The following FGG variants were observed in gnomAD, a reference collection of about 807,000 sequenced individuals.
FGG encodes the protein fibrinogen, gamma polypeptide.
A neutral mutation model predicts 51.7 loss-of-function variants in FGG; 20 were observed. The observed-to-expected ratio is 0.39, with a 90% confidence interval of 0.27 to 0.56. The LOEUF (loss-of-function observed/expected upper bound fraction) is 0.56. Among genes scored for constraint, FGG ranks in the 20% least tolerant of loss-of-function variants. The pLI, the probability that FGG is intolerant of heterozygous loss-of-function variation, is 0.64. For synonymous variants in FGG, 184 were observed against 184.7 expected (o/e 1.00, Z 0.03); for missense variants, 460 against 534.2 (o/e 0.86, Z 1.37).
chr4:154,611,674 A>G (rs1426800835), intron 4 of FGG, 131 bp downstream of exon 4: 1 of 649,864 alleles, frequency 1.5e-6, no homozygotes, highest in Admixed American at 2.8e-5. Context: ...TATGCTCAAC[A>G]TAATCAGGCA....
At chr4:154,605,323 A>G (rs889153587) in intron 8 of FGG, among the ~76,000 whole-genome samples, 1 of 152,108 alleles carries the variant, frequency 6.6e-6, no homozygotes, top group Non-Finnish European at 1.5e-5. Context: ...TAGAAACCCA[A>G]AGTTCCCTAA....
At position 154,610,078 on chromosome 4, in the gene FGG, A is replaced by T; in HGVS notation, c.521T>A (p.Ile174Asn). ...CCTTCATCAGTTACCTTTCCCAGTG[A>T]TATCATGGATTTGCACCGTGTCTTT... The part of the protein sequence containing the change: ...PCKDTVQIHD[I>N]TGKDCQDIAN... The change falls in exon 5 of 9, where the codon ATC becomes AAC. Residue 174 changes from isoleucine to asparagine, a missense_variant. This residue lies in a region of FGG where 353 missense variants were observed against 391.7 expected (regional missense o/e 0.90). Coordinates refer to ENST00000336098, the MANE Select transcript of FGG (RefSeq NM_021870.3). The T allele has an allele frequency of 6.2e-7, 1 of 1,613,726 alleles. No individual in the cohort carries two copies. Among genetic ancestry groups the T allele is most frequent in the East Asian group, 2.2e-5 (1 of 44,852 alleles).
At chr4:154,609,795 T>C (rs1731168171) in intron 5 of FGG, 32 bp from the exon 6 acceptor site, 10 of 1,613,860 alleles carry the variant, frequency 6.2e-6, no homozygotes, top group Non-Finnish European at 8.5e-6. Flanking sequence ...TTACTGTGGT[T>C]TGAAATGCAG....
rs573698741 is a variant in FGG at position 154,606,455 on chromosome 4, G to T, written c.1129+250C>A. Among the ~76,000 whole-genome samples, 6 of 152,278 alleles carry T rather than the reference G, an allele frequency of 3.9e-5. No individual in the cohort carries two copies. In the South Asian group the frequency reaches 1.2e-3, roughly 32 times the overall value. ...AACCCACAGTGCCAGCTATGATGGT[G>T]ATAGTTTCACATATAATGCCAAACT... On this transcript the variant is annotated intron_variant, in intron 8 of 8. Transcript: ENST00000336098.
At position 154,611,564 on chromosome 4, in the gene FGG, A is replaced by T. The variant is rs554680712; in HGVS notation, c.401+241T>A. The stretch of plus-strand genomic sequence containing the variant: ...AATTTTTGATAAATATGGTCAAACT[A>T]GCATTTGAAGACATCTAGAACATCT... On this transcript the variant is annotated intron_variant, in intron 4 of 8. Transcript: ENST00000336098. The T allele has an allele frequency of 4.1e-4, 135 of 325,972 alleles. 1 individual carries two copies. The South Asian group carries it at 0.013, about 31-fold the overall frequency. The allele number at this position is 325,972 out of a possible 1,614,324, so 20.2% of individuals were successfully genotyped here. A position where few individuals can be genotyped will look rare whatever the true frequency, so the allele number is the denominator to read the frequency against.
At chr4:154,609,527 G>T in intron 6 of FGG, 103 bp downstream of exon 6, 1 of 1,387,050 alleles carries the variant, frequency 7.2e-7, no homozygotes, top group Non-Finnish European at 1.0e-6. Flanking sequence ...GCTATTGCAA[G>T]GATTAAATGA....
intron 4 of FGG, 107 bp downstream of exon 4, chr4:154,611,698 A>C: frequency 1.3e-6 from 1 of 744,404 alleles, no homozygotes; most frequent in Non-Finnish European, 2.2e-6. Context: ...TGTCACTGGG[A>C]TATTATAAAT....
Position 154,606,908 on chromosome 4 carries a change from C to G in FGG, c.926G>C (p.Gly309Ala). ...KYRLTYAYFA[G>A]GDAGDAFDGF... ...ATCAAAGGCATCTCCAGCATCCCCA[C>G]CAGCGAAGTAGGCATATGTTAGGCG... The change falls in exon 8 of 9, where the codon GGT (glycine) becomes GCT (alanine). Residue 309 changes from glycine (G) to alanine (A), a missense_variant. Gly to Ala is a moderately conservative substitution (Grantham distance 60). Around this residue, in one of 3 missense-constraint regions of FGG, gnomAD observed 353 missense variants for 391.7 expected, o/e 0.90. Transcript: ENST00000336098. The G allele has an allele frequency of 6.2e-7, 1 of 1,613,848 alleles. No individual in the cohort carries two copies. Among genetic ancestry groups the G allele is most frequent in the Non-Finnish European group, 8.5e-7 (1 of 1,179,828 alleles).
At position 154,611,642 on chromosome 4, in the gene FGG, C is replaced by T. The variant is rs79304772; in HGVS notation, c.401+163G>A. On this transcript the variant is annotated intron_variant, in intron 4 of 8. Transcript: ENST00000336098. The stretch of plus-strand genomic sequence containing the variant: ...TTATAACCCAGTATAATTTATATTG[C>T]ACTAAAAACTTCTATCTCTACTATG... 7.6e-3 allele frequency: 4,342 copies of T among 574,422 alleles called. 174 individuals carry two copies. The East Asian group carries it at 0.085, about 11-fold the overall frequency. 35.6% of individuals were successfully genotyped at this position (574,422 alleles called of 1,614,324 possible).
At chr4:154,611,994 G>A (rs1731223429) in intron 3 of FGG, 24 bp downstream of exon 3, 1 of 1,609,252 alleles carries the variant, frequency 6.2e-7, no homozygotes, top group African/African-American at 1.3e-5. Flanking sequence ...ATTATTTTTT[G>A]GTCAGTAGTC....
rs754001105 is a variant in FGG, at chr4:154,611,806, G to C, written c.400C>G (p.Arg134Gly). 1.2e-6 allele frequency: 2 copies of C among 1,601,610 alleles called. No individual in the cohort carries two copies. The highest frequency in any genetic ancestry group is 1.7e-6 in the Non-Finnish European group (2 of 1,171,254). ...ASILTHDSSI[R>G]YLQEIYNSNN... ...GCAAATTAAAACAAAAATCCTTACC[G>C]AATACTTGAGTCATGTGTTAAAATC... The change falls in exon 4 of 9, where the codon CGA becomes GGA. Residue 134 changes from arginine (R) to glycine (G), a missense_variant and splice_region_variant. Arg to Gly is a moderately radical substitution (Grantham distance 125, BLOSUM62 -2). This residue lies in a region of FGG where 353 missense variants were observed against 391.7 expected (regional missense o/e 0.90). Coordinates refer to ENST00000336098, the MANE Select transcript of FGG (RefSeq NM_021870.3).
chr4:154,611,789 A>G lies in FGG; in HGVS notation c.401+16T>C, dbSNP rs776159865. The G allele has an allele frequency of 6.4e-7, 1 of 1,569,710 alleles. No individual in the cohort carries two copies. Among genetic ancestry groups the G allele is most frequent in the Non-Finnish European group, 8.7e-7 (1 of 1,144,664 alleles). ...TAAATCAGTCTTGCAGAGCAAATTA[A>G]AACAAAAATCCTTACCGAATACTTG... On this transcript the variant is annotated intron_variant, in intron 4 of 8. Coordinates refer to ENST00000336098, the MANE Select transcript of FGG (RefSeq NM_021870.3).
Position 154,604,449 on chromosome 4 carries a change from A to C in FGG, c.*385T>G. 1 of 1,186,582 alleles carries C rather than the reference A, an allele frequency of 8.4e-7. No homozygotes were observed. Among genetic ancestry groups the C allele is most frequent in the Non-Finnish European group, 1.2e-6 (1 of 869,480 alleles). The allele number at this position is 1,186,582 out of a possible 1,614,324, so 73.5% of individuals were successfully genotyped here. A position where few individuals can be genotyped will look rare whatever the true frequency, so the allele number is the denominator to read the frequency against. On this transcript the variant is annotated 3_prime_UTR_variant, in exon 9 of 9. Coordinates refer to ENST00000336098, the MANE Select transcript of FGG (RefSeq NM_021870.3). Reference sequence around the variant, plus strand: ...AAATAGGAATGATTTAGGGGTAATAAACAAGGAAAATACCTGGGAATTTGA... The same window carrying C: ...AAATAGGAATGATTTAGGGGTAATACACAAGGAAAATACCTGGGAATTTGA...
At chr4:154,606,420 G>A (rs1731097647) in intron 8 of FGG, among the ~76,000 whole-genome samples, 1 of 152,098 alleles carries the variant, frequency 6.6e-6, no homozygotes, top group South Asian at 2.1e-4. Flanking sequence ...ATGTCTAAAG[G>A]AGATCCCACA....
chr4:154,605,195 AAAT>A (rs1294481427), intron 8 of FGG, 129 bp from the exon 9 acceptor site: 2 of 828,328 alleles, frequency 2.4e-6, no homozygotes, highest in African/African-American at 1.7e-5. Context: ...TGCTAACTGA[AAAT>A]ATCTCCAAAG....
At chr4:154,605,203 C>A in intron 8 of FGG, 137 bp from the exon 9 acceptor site, 1 of 789,068 alleles carries the variant, frequency 1.3e-6, no homozygotes, top group Non-Finnish European at 2.0e-6. Flanking sequence ...GAAAATATCT[C>A]CAAAGATTCC....
chr4:154,607,082 T>C (rs1469972504), intron 7 of FGG, 100 bp from the exon 8 acceptor site: 2 of 1,433,796 alleles, frequency 1.4e-6, no homozygotes, highest in Non-Finnish European at 1.9e-6. Flanking sequence ...TTGACTTTGT[T>C]TCTTAAGGCT....
In FGG at chr4:154,604,323, T is replaced by A. The variant is rs1578806824; in HGVS notation, c.*511A>T. 2.0e-6 allele frequency: 3 copies of A among 1,513,194 alleles called. No individual in the cohort carries two copies. Among genetic ancestry groups the A allele is most frequent in the Non-Finnish European group, 2.7e-6 (3 of 1,131,624 alleles). 93.7% of individuals were successfully genotyped at this position (1,513,194 alleles called of 1,614,324 possible). ...ATAAAGTCCTTTAAAAAAGTAAATC[T>A]CTTTTGAAACGGTCTTTTAAACGTC... On this transcript the variant is annotated 3_prime_UTR_variant, in exon 9 of 9. Transcript: ENST00000336098.
Position 154,604,283 on chromosome 4 carries a change from T to C in FGG, c.*551A>G, listed in dbSNP as rs1731054624. 6 of 1,362,352 alleles carry C rather than the reference T, an allele frequency of 4.4e-6. No individual in the cohort carries two copies. The East Asian group carries it at 1.7e-4, about 38-fold the overall frequency. The allele number at this position is 1,362,352 out of a possible 1,614,324, so 84.4% of individuals were successfully genotyped here. ...CCATTGTCCAATAGGAAAAATATTA[T>C]ATCTCTCTGTTCAGATAAAGTCCTT... On this transcript the variant is annotated 3_prime_UTR_variant, in exon 9 of 9. Coordinates refer to ENST00000336098, the MANE Select transcript of FGG (RefSeq NM_021870.3).
Sources: allele counts gnomAD v4.1 joint callset (sites outside exome capture counted in the v4.1 genomes callset), GRCh38; gene constraint gnomAD v4.1.1; regional missense constraint gnomAD v4.1.1; transcripts MANE v1.5; gene names NCBI Gene and HGNC (gene_info 2026-07-23, HGNC 2026-07-21).